The following RSF1 variants were observed in gnomAD, a reference collection of about 807,000 sequenced individuals.
RSF1 encodes the protein remodeling and spacing factor 1.
In RSF1, 13 loss-of-function variants were observed where a neutral mutation model predicts 145.2. The observed-to-expected ratio is 0.09, with a 90% confidence interval of 0.06 to 0.14. The LOEUF is 0.14. RSF1 is among the 10% of genes least tolerant of loss of function. RSF1 has a pLI of 1.00. For synonymous variants in RSF1, 577 were observed against 592.6 expected (o/e 0.97, Z 0.38); for missense variants, 1,517 against 1,718.2 (o/e 0.88, Z 2.07).
At chr11:77,686,802 C>G (rs965788874) in intron 9 of RSF1, among the ~76,000 whole-genome samples, 7 of 152,166 alleles carry the variant, frequency 4.6e-5, no homozygotes, top group African/African-American at 1.7e-4. Context: ...ATCCATCCCT[C>G]TTTTCCACAA....
rs1336678088 is a variant in RSF1, at chr11:77,675,232, A to G, written c.3366T>C (p.Ser1122=). Residue 1122 remains serine, a synonymous_variant, in exon 14 of 16, where the codon TCT becomes TCC. Transcript: ENST00000308488. ...SDGSQDEFVV[S]DENPDESEED... is the part of the protein sequence containing the mutation. ...CTTCACTTTCATCTGGGTTTTCATC[A>G]GACACAACAAACTCATCTTGAGATC... is the stretch of plus-strand genomic sequence containing the variant. The G allele has an allele frequency of 1.2e-6, 2 of 1,613,418 alleles. No individual in the cohort carries two copies. The highest frequency in any genetic ancestry group is 2.7e-5 in the African/African-American group (2 of 74,894).
intron 2 of RSF1, among the ~76,000 whole-genome samples, chr11:77,749,506 TA>T (rs1948038107): frequency 6.6e-6 from 1 of 152,108 alleles, no homozygotes; most frequent in South Asian, 2.1e-4. Context: ...AAAAACGACA[TA>T]GCTCCAAAGT....
At chr11:77,834,441 GTTTTTT>G in the RSF1 span, among the ~76,000 whole-genome samples, 1 of 105,546 alleles carries the variant, frequency 9.5e-6, no homozygotes, top group African/African-American at 3.6e-5. Flanking sequence ...AGTTGATTTT[GTTTTTT>G]TTTTTTTTTT....
chr11:77,755,239 A>G (rs1289951484), intron 2 of RSF1, among the ~76,000 whole-genome samples: 4 of 152,204 alleles, frequency 2.6e-5, no homozygotes, highest in Admixed American at 2.0e-4. Flanking sequence ...CTGAAGGCCA[A>G]TGGTGGCATG....
At chr11:77,683,131 A>C (rs1168858136) in intron 11 of RSF1, among the ~76,000 whole-genome samples, 1 of 152,110 alleles carries the variant, frequency 6.6e-6, no homozygotes, top group Non-Finnish European at 1.5e-5. Context: ...TCTCTACTAA[A>C]AATACAAAAA....
intron 1 of RSF1, among the ~76,000 whole-genome samples, chr11:77,779,837 G>T (rs1256120797): frequency 6.6e-6 from 1 of 152,176 alleles, no homozygotes; most frequent in African/African-American, 2.4e-5. Context: ...GCCAGTTTTT[G>T]TTTACTGGCT....
At chr11:77,839,942 G>A in the RSF1 span, among the ~76,000 whole-genome samples, 353 of 152,174 alleles carry the variant, frequency 2.3e-3, no homozygotes, top group African/African-American at 7.8e-3. Context: ...TGTAATGAAC[G>A]TGCATGTCTT....
At chr11:77,782,101 A>C (rs913612559) in intron 1 of RSF1, among the ~76,000 whole-genome samples, 2 of 152,216 alleles carry the variant, frequency 1.3e-5, no homozygotes, top group Non-Finnish European at 2.9e-5. Flanking sequence ...TTATGTTTGA[A>C]GTGAATTTCT....
chr11:77,729,229 C>G (rs1478353198), intron 4 of RSF1, among the ~76,000 whole-genome samples: 1 of 152,028 alleles, frequency 6.6e-6, no homozygotes, highest in African/African-American at 2.4e-5. Context: ...CTTTTTCATT[C>G]CTAAAGAAAT....
rs66595170 is a variant in RSF1, at chr11:77,788,142, C to CAAAAAAAAAA, written c.188-23463_188-23454dup. Among the ~76,000 whole-genome samples, 2 of 3,432 alleles carry CAAAAAAAAAA rather than the reference C, an allele frequency of 5.8e-4. 1 individual carries two copies. Among genetic ancestry groups the CAAAAAAAAAA allele is most frequent in the African/African-American group, 1.0e-3 (2 of 1,944 alleles). The allele number at this position is 3,432 out of a possible 152,430, so 2.3% of individuals were successfully genotyped here. A position where few individuals can be genotyped will look rare whatever the true frequency, so the allele number is the denominator to read the frequency against. On this transcript the variant is annotated intron_variant, in intron 1 of 15. Transcript: ENST00000308488. ...GGGCAACCAGAGTGAGACACTATCT[C>CAAAAAAAAAA]AAAAAAAAAAAAAAAAAAAAAAAAA...
Position 77,808,527 on chromosome 11 carries a change from CTTTTTTTT to C in RSF1, c.187+11993_187+12000del, listed in dbSNP as rs745630976. Among the ~76,000 whole-genome samples the C allele has an allele frequency of 2.6e-3, 154 of 60,002 alleles. 8 individuals carry two copies. The highest frequency in any genetic ancestry group is 0.013 in the African/African-American group (149 of 11,858). The allele number at this position is 60,002 out of a possible 152,430, so 39.4% of individuals were successfully genotyped here. ...TTAGTATCCCATTCAAATATTATAC[CTTTTTTTT>C]TTTTTTTTTTTTTTTTGAGACGGAG... On this transcript the variant is annotated intron_variant, in intron 1 of 15. Transcript: ENST00000308488.
the RSF1 span, among the ~76,000 whole-genome samples, chr11:77,867,867 T>G: frequency 6.6e-6 from 1 of 152,180 alleles, no homozygotes; most frequent in Admixed American, 6.5e-5. Flanking sequence ...AAAAAGAAGT[T>G]TCCTGGAGTT....
chr11:77,771,945 A>T (rs1948289950), intron 1 of RSF1, among the ~76,000 whole-genome samples: 1 of 152,212 alleles, frequency 6.6e-6, no homozygotes, highest in South Asian at 2.1e-4. Context: ...GCAAAAATTT[A>T]GAACTTTTCT....
intron 2 of RSF1, among the ~76,000 whole-genome samples, chr11:77,748,356 C>G (rs1314919017): frequency 2.6e-5 from 4 of 151,552 alleles, no homozygotes; most frequent in African/African-American, 9.7e-5. Flanking sequence ...ACCCGAGAAG[C>G]TGGGGCTATA....
intron 5 of RSF1, among the ~76,000 whole-genome samples, chr11:77,719,183 G>C (rs1960888056): frequency 6.6e-6 from 1 of 152,182 alleles, no homozygotes; most frequent in Non-Finnish European, 1.5e-5. Context: ...ACAGTGAGTT[G>C]TGATTGTGGC....
intron 1 of RSF1, among the ~76,000 whole-genome samples, chr11:77,778,727 G>A (rs1307874209): frequency 6.6e-6 from 1 of 152,078 alleles, no homozygotes; most frequent in East Asian, 1.9e-4. Flanking sequence ...TCTTAATTTG[G>A]GAACATGTGA....
chr11:77,717,715 C>T (rs1206534281), intron 5 of RSF1: 3 of 152,168 alleles, frequency 2.0e-5, no homozygotes, highest in Non-Finnish European at 1.5e-5. Flanking sequence ...CCATGTTCCA[C>T]TTTTAATTTT....
chr11:77,700,144 A>C (rs1565152438), intron 6 of RSF1, among the ~76,000 whole-genome samples: 1 of 152,054 alleles, frequency 6.6e-6, no homozygotes, highest in African/African-American at 2.4e-5. Context: ...CCAGGTCAAG[A>C]GATCGAGATC....
In RSF1 at chr11:77,676,774, T is replaced by C. The variant is rs1959716320; in HGVS notation, c.3341+18A>G. Reference sequence around the variant, plus strand: ...CTGCTGGTATCTAGGGATCGGGGCCTAGTAGGAGACCACACACCCATCACT... The same window carrying C: ...CTGCTGGTATCTAGGGATCGGGGCCCAGTAGGAGACCACACACCCATCACT... On this transcript the variant is annotated intron_variant, in intron 13 of 15. Coordinates refer to ENST00000308488, the MANE Select transcript of RSF1 (RefSeq NM_016578.4). The C allele has an allele frequency of 6.2e-7, 1 of 1,609,024 alleles. No homozygotes were observed. Among genetic ancestry groups the C allele is most frequent in the East Asian group, 2.2e-5 (1 of 44,810 alleles).
Sources: allele counts gnomAD v4.1 joint callset (sites outside exome capture counted in the v4.1 genomes callset), GRCh38; gene constraint gnomAD v4.1.1; transcripts MANE v1.5; gene names NCBI Gene and HGNC (gene_info 2026-07-23, HGNC 2026-07-21).